Variants in CNOT10 observed in about 807,000 individuals in gnomAD.
The protein encoded by CNOT10 is CCR4-NOT transcription complex, subunit 10.
In CNOT10, 30 loss-of-function variants were observed where a neutral mutation model predicts 94.6. The ratio of observed to expected loss-of-function variants is 0.32; its 90% CI spans 0.24 to 0.43. CNOT10 has a LOEUF of 0.43. CNOT10 is among the 20% of genes least tolerant of loss of function. The pLI is 1.00. For synonymous variants in CNOT10, 289 were observed against 301.6 expected (o/e 0.96, Z 0.43); for missense variants, 759 against 877.2 (o/e 0.87, Z 1.70).
intron 17 of CNOT10, chr3:32,765,126 C>A: frequency 1.8e-6 from 1 of 545,810 alleles, no homozygotes; most frequent in Non-Finnish European, 3.0e-6. Flanking sequence ...TGAGACCAGC[C>A]TGGCCAATAT....
At position 32,703,203 on chromosome 3, in the gene CNOT10, C is replaced by T. The variant is rs187902411; in HGVS notation, c.23-665C>T. ...CCTCCCAAAGTGCTGGGATTACAGG[C>T]GTGAGCCACCGTGCCTGGCAACATT... On this transcript the variant is annotated intron_variant, in intron 1 of 18. Coordinates refer to ENST00000328834, the MANE Select transcript of CNOT10 (RefSeq NM_015442.3). Among the ~76,000 whole-genome samples the T allele has an allele frequency of 3.9e-3, 583 of 150,774 alleles. 2 individuals carry two copies. The highest frequency in any genetic ancestry group is 6.6e-3 in the Admixed American group (99 of 15,002).
At chr3:32,720,066 T>G in intron 7 of CNOT10, 48 bp from the exon 8 acceptor site, 1 of 903,282 alleles carries the variant, frequency 1.1e-6, no homozygotes, top group African/African-American at 1.6e-5. Context: ...GATCTTACAT[T>G]AGGCGTCTGA....
chr3:32,768,587 A>G, intron 17 of CNOT10, among the ~76,000 whole-genome samples: 1 of 152,132 alleles, frequency 6.6e-6, no homozygotes, highest in Non-Finnish European at 1.5e-5. Flanking sequence ...CCGTCTCAAA[A>G]AAAAAAAATC....
At chr3:32,764,418 T>C (rs760168324) in intron 15 of CNOT10, 37 bp from the exon 16 acceptor site, 11 of 1,608,468 alleles carry the variant, frequency 6.8e-6, no homozygotes, top group Non-Finnish European at 8.5e-6. Flanking sequence ...TATGCTCTGT[T>C]GTTCTGCCCC....
intron 13 of CNOT10, among the ~76,000 whole-genome samples, chr3:32,745,721 G>A (rs1273429372): frequency 6.6e-6 from 1 of 152,192 alleles, no homozygotes; most frequent in African/African-American, 2.4e-5. Flanking sequence ...CAGTGAGGTC[G>A]GGCACAGTGG....
chr3:32,763,278 C>G (rs1700527575), intron 15 of CNOT10, among the ~76,000 whole-genome samples: 1 of 152,006 alleles, frequency 6.6e-6, no homozygotes, highest in Admixed American at 6.6e-5. Context: ...TCAAGACCAG[C>G]CTGGGCAACC....
chr3:32,771,360 G>A (rs562492990), intron 18 of CNOT10, among the ~76,000 whole-genome samples: 1 of 152,240 alleles, frequency 6.6e-6, no homozygotes, highest in South Asian at 2.1e-4. Flanking sequence ...CAGCACTTTG[G>A]GAGGCCGACA....
chr3:32,766,649 A>G (rs2125643732), intron 17 of CNOT10, among the ~76,000 whole-genome samples: 1 of 151,676 alleles, frequency 6.6e-6, no homozygotes, highest in Non-Finnish European at 1.5e-5. Flanking sequence ...AAAAAAAAAA[A>G]GTGAATTATA....
intron 1 of CNOT10, among the ~76,000 whole-genome samples, chr3:32,687,976 T>C (rs1559472127): frequency 6.6e-6 from 1 of 152,154 alleles, no homozygotes; most frequent in Non-Finnish European, 1.5e-5. Flanking sequence ...TCAGGATATT[T>C]GTCACGGAGG....
At chr3:32,727,924 T>G in intron 10 of CNOT10, 54 bp downstream of exon 10, 2 of 1,213,772 alleles carry the variant, frequency 1.6e-6, no homozygotes, top group East Asian at 2.4e-5. Context: ...ACTTACTACA[T>G]GGAATGGTTA....
chr3:32,756,787 C>T (rs1700240922), intron 13 of CNOT10, among the ~76,000 whole-genome samples: 1 of 152,168 alleles, frequency 6.6e-6, no homozygotes. Flanking sequence ...TTATGTTTTA[C>T]ACTGACCTTT....
chr3:32,773,310 C>A lies in CNOT10; in HGVS notation c.2081-147C>A. ...AGAATTTCTGGGGATAAGATGGAGG[C>A]TTTATGGGATTCCAGTATACAGCCA... On this transcript the variant is annotated intron_variant, in intron 18 of 18. Coordinates refer to ENST00000328834, the MANE Select transcript of CNOT10 (RefSeq NM_015442.3). 3.9e-6 allele frequency: 3 copies of A among 766,878 alleles called. No individual in the cohort carries two copies. The South Asian group carries it at 6.6e-5, about 17-fold the overall frequency. 47.5% of individuals were successfully genotyped at this position (766,878 alleles called of 1,614,324 possible).
At chr3:32,737,658 A>G (rs1559502041) in intron 13 of CNOT10, among the ~76,000 whole-genome samples, 168 bp downstream of exon 13, 1 of 151,954 alleles carries the variant, frequency 6.6e-6, no homozygotes, top group Non-Finnish European at 1.5e-5. Flanking sequence ...CCCTGTCTGT[A>G]CTAAAAATAC....
chr3:32,753,572 A>C, intron 13 of CNOT10: 3 of 1,586,854 alleles, frequency 1.9e-6, no homozygotes, highest in Non-Finnish European at 2.6e-6. Flanking sequence ...AGATGGGAAA[A>C]GCTAGAGGAG....
intron 1 of CNOT10, among the ~76,000 whole-genome samples, chr3:32,695,979 G>T (rs1697043454): frequency 1.1e-5 from 1 of 92,444 alleles, no homozygotes; most frequent in Admixed American, 9.9e-5. Context: ...GTGTGTGTGT[G>T]TGTGTGTGTG....
At chr3:32,753,454 G>C in intron 13 of CNOT10, 1 of 1,544,580 alleles carries the variant, frequency 6.5e-7, no homozygotes, top group South Asian at 1.1e-5. Flanking sequence ...TCCTTCTGGA[G>C]AGGATTACAA....
intron 10 of CNOT10, among the ~76,000 whole-genome samples, chr3:32,728,800 A>G (rs1031073608): frequency 6.6e-6 from 1 of 151,460 alleles, no homozygotes; most frequent in Non-Finnish European, 1.5e-5. Flanking sequence ...TAGCCTGGTG[A>G]TTAGAAAAGG....
chr3:32,721,598 G>A (rs1312177714), intron 8 of CNOT10, among the ~76,000 whole-genome samples: 1 of 149,068 alleles, frequency 6.7e-6, no homozygotes, highest in East Asian at 2.0e-4. Context: ...TCATTACCTA[G>A]ATCAAAAATC....
chr3:32,695,108 C>T (rs77790177), intron 1 of CNOT10, among the ~76,000 whole-genome samples: 257 of 152,314 alleles, frequency 1.7e-3, no homozygotes, highest in African/African-American at 5.9e-3. Flanking sequence ...TTGCTTGTTA[C>T]AAATGGCTTA....
Sources: gnomAD v4.1 joint callset for allele counts (sites outside exome capture counted in the v4.1 genomes callset) on GRCh38, gnomAD v4.1.1 for gene constraint, MANE v1.5 for transcripts, NCBI Gene and HGNC (gene_info 2026-07-23, HGNC 2026-07-21) for gene names.